RBFOX1: variants seen among roughly 807,000 people sequenced by gnomAD.
The protein encoded by RBFOX1 is RNA binding fox-1 homolog 1.
In RBFOX1, 8 loss-of-function variants were observed where a neutral mutation model predicts 57.7. The ratio of observed to expected loss-of-function variants is 0.14; its 90% CI spans 0.08 to 0.25. The LOEUF is 0.25. Among genes scored for constraint, RBFOX1 ranks in the 10% least tolerant of loss-of-function variants. The probability of loss-of-function intolerance (pLI) is 1.00; values close to 1 mark genes in which losing one functional copy is unlikely to be tolerated. For missense variants in RBFOX1, 611 were observed against 548.5 expected (o/e 1.11, Z -1.14); for synonymous variants, 326 against 222.4 (o/e 1.47, Z -4.15).
chr16:5,726,703 A>G (rs1056801927), intron 3 of RBFOX1, among the ~76,000 whole-genome samples: 17 of 152,348 alleles, frequency 1.1e-4, no homozygotes, highest in South Asian at 4.1e-4. Context: ...GCTAATAGCT[A>G]TAGGTATTAT....
intron 3 of RBFOX1, among the ~76,000 whole-genome samples, chr16:6,906,572 C>G (rs181821524): frequency 1.3e-5 from 2 of 152,058 alleles, no homozygotes; most frequent in Non-Finnish European, 2.9e-5. Context: ...AAGTTAAAAA[C>G]AAGGGGTACA....
At chr16:6,601,588 C>T (rs1601154729) in intron 2 of RBFOX1, among the ~76,000 whole-genome samples, 1 of 152,114 alleles carries the variant, frequency 6.6e-6, no homozygotes, top group African/African-American at 2.4e-5. Context: ...TGTAAAAGGA[C>T]CACTGTTCCT....
chr16:7,308,207 C>G (rs971232783), intron 4 of RBFOX1, among the ~76,000 whole-genome samples: 2 of 151,684 alleles, frequency 1.3e-5, no homozygotes, highest in African/African-American at 4.8e-5. Flanking sequence ...TAGCACCCAT[C>G]TCATGGTAAG....
chr16:6,191,953 T>G (rs2097144586), intron 1 of RBFOX1, among the ~76,000 whole-genome samples: 1 of 152,160 alleles, frequency 6.6e-6, no homozygotes, highest in African/African-American at 2.4e-5. Flanking sequence ...GCCTTGGAAT[T>G]CTGTAAATAT....
chr16:7,237,118 G>A (rs573452826), intron 4 of RBFOX1, among the ~76,000 whole-genome samples: 1 of 152,240 alleles, frequency 6.6e-6, no homozygotes, highest in East Asian at 1.9e-4. Context: ...AACTTCCCAG[G>A]GGCTGCAATA....
intron 4 of RBFOX1, among the ~76,000 whole-genome samples, chr16:7,124,114 C>T (rs937116628): frequency 2.0e-5 from 3 of 152,190 alleles, no homozygotes; most frequent in South Asian, 2.1e-4. Flanking sequence ...TACCAAGTCT[C>T]AGGAGAGTTT....
intron 4 of RBFOX1, among the ~76,000 whole-genome samples, chr16:7,369,605 C>G (rs2097531249): frequency 6.6e-6 from 1 of 152,106 alleles, no homozygotes. Context: ...CTGATTATCT[C>G]AATACTTTTG....
rs2089078927 is a variant in RBFOX1 at position 7,557,656 on chromosome 16, AAAAAG to A, written c.271-22120_271-22116del. Among the ~76,000 whole-genome samples the A allele has an allele frequency of 5.6e-5, 8 of 142,392 alleles. 1 individual carries two copies. Among genetic ancestry groups the A allele is most frequent in the Non-Finnish European group, 6.2e-5 (4 of 64,500 alleles). The allele number at this position is 142,392 out of a possible 152,430, so 93.4% of individuals were successfully genotyped here. On this transcript the variant is annotated intron_variant, in intron 5 of 15. Coordinates refer to ENST00000550418, the MANE Select transcript of RBFOX1 (RefSeq NM_018723.4). Reference sequence around the variant, plus strand: ...AAAAAAAAAAAAGAAAAAGAAAAAAAAAAAGCATTTTCTTAAACTGTGGCCCAGAA... The same window carrying A: ...AAAAAAAAAAAAGAAAAAGAAAAAAACATTTTCTTAAACTGTGGCCCAGAA...
intron 1 of RBFOX1, among the ~76,000 whole-genome samples, chr16:6,184,936 G>A (rs1420628969): frequency 1.3e-5 from 2 of 152,180 alleles, no homozygotes; most frequent in African/African-American, 2.4e-5. Context: ...TGCAAGAGAA[G>A]CAGCTGTTCA....
chr16:6,157,926 G>T (rs1471091358), intron 1 of RBFOX1, among the ~76,000 whole-genome samples: 1 of 152,108 alleles, frequency 6.6e-6, no homozygotes, highest in Non-Finnish European at 1.5e-5. Flanking sequence ...CCTATTGGAT[G>T]GATTTAAGTC....
At chr16:6,996,717 T>C (rs2092283967) in intron 3 of RBFOX1, among the ~76,000 whole-genome samples, 1 of 152,190 alleles carries the variant, frequency 6.6e-6, no homozygotes, top group South Asian at 2.1e-4. Flanking sequence ...ATGCAGTGCT[T>C]CATACAAATA....
At chr16:6,804,319 A>G (rs777317733) in intron 3 of RBFOX1, among the ~76,000 whole-genome samples, 27 of 152,040 alleles carry the variant, frequency 1.8e-4, no homozygotes, top group Non-Finnish European at 3.1e-4. Context: ...ATACATACAA[A>G]TTTTAACTCC....
Position 6,993,605 on chromosome 16 carries a change from G to C in RBFOX1, c.-15-58452G>C, listed in dbSNP as rs569887870. ...TGCTGCAACATATGGAGAGACTTGA[G>C]TTTAATTGTTAAAATTCCACTCAGC... On this transcript the variant is annotated intron_variant, in intron 3 of 15. Coordinates refer to ENST00000550418, the MANE Select transcript of RBFOX1 (RefSeq NM_018723.4). 3.3e-5 allele frequency among the ~76,000 whole-genome samples: 5 copies of C among 152,248 alleles called. No individual in the cohort carries two copies. In the South Asian group the frequency reaches 1.0e-3, roughly 32 times the overall value.
At chr16:6,119,480 C>T (rs752673548) in intron 1 of RBFOX1, among the ~76,000 whole-genome samples, 1 of 152,158 alleles carries the variant, frequency 6.6e-6, no homozygotes. Flanking sequence ...AACCTTTGAA[C>T]TTAAAAGTAC....
intron 2 of RBFOX1, among the ~76,000 whole-genome samples, chr16:6,526,428 G>T (rs891300214): frequency 3.3e-5 from 5 of 152,130 alleles, no homozygotes; most frequent in Admixed American, 2.6e-4. Flanking sequence ...ATAAGCACCA[G>T]TCACACTACA....
intron 3 of RBFOX1, among the ~76,000 whole-genome samples, chr16:5,624,347 A>C (rs1220489222): frequency 1.3e-5 from 2 of 152,066 alleles, no homozygotes; most frequent in Non-Finnish European, 2.9e-5. Flanking sequence ...GGCACCTACT[A>C]CCGTGCCCAA....
At chr16:6,076,061 G>T (rs1386012847) in intron 1 of RBFOX1, among the ~76,000 whole-genome samples, 1 of 152,164 alleles carries the variant, frequency 6.6e-6, no homozygotes, top group Non-Finnish European at 1.5e-5. Flanking sequence ...CACTTTGGGA[G>T]GCTGAGGAGG....
chr16:5,409,025 C>A (rs1450961362), intron 1 of RBFOX1, among the ~76,000 whole-genome samples: 2 of 151,910 alleles, frequency 1.3e-5, no homozygotes, highest in Non-Finnish European at 2.9e-5. Flanking sequence ...GCGGGTGAAA[C>A]CTGTGGCTAT....
chr16:5,738,635 G>GAAAAAAA lies in RBFOX1; in HGVS notation c.319-128654_319-128648dup, dbSNP rs61011633. Among the ~76,000 whole-genome samples, 146 of 61,180 alleles carry GAAAAAAA rather than the reference G, an allele frequency of 2.4e-3. 6 individuals carry two copies. Among genetic ancestry groups the GAAAAAAA allele is most frequent in the East Asian group, 0.021 (44 of 2,110 alleles). The allele number at this position is 61,180 out of a possible 152,430, so 40.1% of individuals were successfully genotyped here. A position where few individuals can be genotyped will look rare whatever the true frequency, so the allele number is the denominator to read the frequency against. ...GGCGACAGAGCAAGGCTCTGTCTCA[G>GAAAAAAA]AAAAAAAAAAAAAAAAAAAAGGGAA... On this transcript the variant is annotated intron_variant, in intron 3 of 19. Transcript: ENST00000641259.
Sources: gnomAD v4.1 joint callset for allele counts (sites outside exome capture counted in the v4.1 genomes callset) on GRCh38, gnomAD v4.1.1 for gene constraint, MANE v1.5 for transcripts, NCBI Gene and HGNC (gene_info 2026-07-23, HGNC 2026-07-21) for gene names.